Variants in PATZ1 observed in about 807,000 individuals in gnomAD.
PATZ1 encodes the protein POZ/BTB and AT hook containing zinc finger 1, also known as POZ-, AT hook-, and zinc finger-containing protein 1.
In PATZ1, 9 loss-of-function variants were observed where a neutral mutation model predicts 46.2. The observed-to-expected ratio is 0.19, with a 90% confidence interval of 0.12 to 0.34. The LOEUF is 0.34. Among genes scored for constraint, PATZ1 ranks in the 10% least tolerant of loss-of-function variants. The pLI is 1.00. For missense variants in PATZ1, 632 were observed against 923.0 expected (o/e 0.68, Z 4.08); for synonymous variants, 426 against 378.6 (o/e 1.13, Z -1.45).
chr22:31,333,817 C>A (rs554280314), intron 3 of PATZ1, among the ~76,000 whole-genome samples: 7 of 152,318 alleles, frequency 4.6e-5, no homozygotes, highest in South Asian at 4.1e-4. Context: ...AAAATAAATC[C>A]TGATGTACAA....
Position 31,344,594 on chromosome 22 carries a change from G to C in PATZ1, c.1009C>G (p.Pro337Ala). 6.2e-7 allele frequency: 1 copy of C among 1,614,170 alleles called. No individual in the cohort carries two copies. ...GGGCCGTCGGGGTCTTCAGAGATGGGTAGCCCATTCTCACCCAGCCTCGGA... is the reference window on the plus strand; with the variant it reads ...GGGCCGTCGGGGTCTTCAGAGATGGCTAGCCCATTCTCACCCAGCCTCGGA... The part of the protein sequence containing the change: ...PPPRLGENGL[P>A]ISEDPDGPRK... Residue 337 changes from proline to alanine, a missense_variant, in exon 1 of 5, where the codon CCC becomes GCC. By Grantham distance (27) the Pro-to-Ala change is conservative. Coordinates refer to ENST00000266269, the MANE Select transcript of PATZ1 (RefSeq NM_014323.3).
intron 2 of PATZ1, 46 bp from the exon 3 acceptor site, chr22:31,335,909 A>T: frequency 6.4e-7 from 1 of 1,564,484 alleles, no homozygotes; most frequent in Non-Finnish European, 8.8e-7. Flanking sequence ...CCAGCACCCC[A>T]CACCTGACTC....
intron 3 of PATZ1, among the ~76,000 whole-genome samples, chr22:31,334,674 G>A (rs961768865): frequency 3.3e-5 from 5 of 152,098 alleles, no homozygotes; most frequent in African/African-American, 4.8e-5. Flanking sequence ...CTGTGAGGTG[G>A]GAAAGGGGGC....
At position 31,327,132 on chromosome 22, in the gene PATZ1, G is replaced by A. The variant is rs142593910; in HGVS notation, c.1823C>T (p.Pro608Leu). ...ESDGEKKYPC[P>L]ECGSFFRSKS... The stretch of plus-strand genomic sequence containing the variant: ...AGAGCGGAAGAAGCTCCCACATTCA[G>A]GGCATGGGTACTTCTTCTCCCCATC... The change falls in exon 5 of 5, where the codon CCT becomes CTT. Residue 608 changes from proline (P) to leucine (L), a missense_variant. Coordinates refer to ENST00000266269, the MANE Select transcript of PATZ1 (RefSeq NM_014323.3). This position sits in a 1 kb window ranked among gnomAD's most constrained non-coding sequence, Gnocchi z 4.2. 3 of 1,613,966 alleles carry A rather than the reference G, an allele frequency of 1.9e-6. No individual in the cohort carries two copies. The African/African-American group carries it at 4.0e-5, about 22-fold the overall frequency.
In PATZ1 at chr22:31,331,525, T is replaced by C. The variant is rs566178877; in HGVS notation, c.1508-2601A>G. Among the ~76,000 whole-genome samples the C allele has an allele frequency of 1.1e-3, 173 of 152,032 alleles. 1 individual carries two copies. Among genetic ancestry groups the C allele is most frequent in the African/African-American group, 3.9e-3 (162 of 41,500 alleles). On this transcript the variant is annotated intron_variant, in intron 3 of 4. Transcript: ENST00000266269. ...TGGCTAATTTTTTTTGTATTTTTAG[T>C]AGAGACGGGGTTTCACCATGTTAGC...
chr22:31,334,527 A>G (rs1364215890), intron 3 of PATZ1, among the ~76,000 whole-genome samples: 1 of 152,170 alleles, frequency 6.6e-6, no homozygotes, highest in Admixed American at 6.5e-5. Flanking sequence ...CAAGGCCTGC[A>G]GGAGTGTTGT....
Position 31,344,785 on chromosome 22 carries a change from G to C in PATZ1, c.818C>G (p.Ala273Gly), listed in dbSNP as rs781613235. ...GKRGRGRPRK[A>G]NLLDSMFGSP... Reference sequence around the variant, plus strand: ...CCCAAACATTGAGTCCAGCAGGTTGGCCTTCCTTGGGCGGCCCCGGCCTCG... The same window carrying C: ...CCCAAACATTGAGTCCAGCAGGTTGCCCTTCCTTGGGCGGCCCCGGCCTCG... The change falls in exon 1 of 5, where the codon GCC becomes GGC. Residue 273 changes from alanine to glycine, a missense_variant. Ala to Gly is a moderately conservative substitution (Grantham distance 60, BLOSUM62 0). Coordinates refer to ENST00000266269, the MANE Select transcript of PATZ1 (RefSeq NM_014323.3). The C allele has an allele frequency of 6.8e-6, 11 of 1,609,092 alleles. No individual in the cohort carries two copies. The highest frequency in any genetic ancestry group is 6.6e-5 in the South Asian group (6 of 90,736).
chr22:31,339,241 C>A (rs1327311253), intron 2 of PATZ1, among the ~76,000 whole-genome samples: 1 of 152,170 alleles, frequency 6.6e-6, no homozygotes. Flanking sequence ...TAACTTTCGC[C>A]TGAGCAAACA....
intron 3 of PATZ1, among the ~76,000 whole-genome samples, chr22:31,330,535 G>A (rs2049428016): frequency 6.6e-6 from 1 of 152,184 alleles, no homozygotes; most frequent in South Asian, 2.1e-4. Flanking sequence ...AAGTAACCTG[G>A]TCACACGTAC....
rs1277246435 is a variant in PATZ1 at position 31,327,870 on chromosome 22, T to G, written c.1646-561A>C. On this transcript the variant is annotated intron_variant, in intron 4 of 4. Coordinates refer to ENST00000266269, the MANE Select transcript of PATZ1 (RefSeq NM_014323.3). This position sits in a 1 kb window ranked among gnomAD's most constrained non-coding sequence, Gnocchi z 4.2. ...CAAACATAGCCCTGTCCTTACCGCC[T>G]TCCTTCTGCCAAAACCTTTTCAGGG... Among the ~76,000 whole-genome samples the G allele has an allele frequency of 6.6e-6, 1 of 152,194 alleles. No individual in the cohort carries two copies. Among genetic ancestry groups the G allele is most frequent in the African/African-American group, 2.4e-5 (1 of 41,436 alleles).
intron 2 of PATZ1, among the ~76,000 whole-genome samples, chr22:31,342,527 A>C (rs543601504): frequency 3.2e-4 from 48 of 152,172 alleles, no homozygotes; most frequent in South Asian, 1.0e-3. Context: ...GTCCCTACAA[A>C]CTGCTGGAAA....
intron 1 of PATZ1, chr22:31,343,507 G>C: frequency 6.7e-6 from 6 of 890,868 alleles, no homozygotes; most frequent in Non-Finnish European, 8.1e-6. Flanking sequence ...TGCCTGACCG[G>C]TAAGACTGGT....
intron 1 of PATZ1, 107 bp downstream of exon 1, chr22:31,344,225 A>G (rs1264075134): frequency 4.9e-6 from 5 of 1,019,922 alleles, no homozygotes; most frequent in African/African-American, 3.2e-5. Context: ...GCATGGTTCT[A>G]TAAGGTCAAA....
At position 31,345,112 on chromosome 22, in the gene PATZ1, A is replaced by C; in HGVS notation, c.491T>G (p.Leu164Arg). 6.2e-7 allele frequency: 1 copy of C among 1,614,204 alleles called. No homozygotes were observed. The highest frequency in any genetic ancestry group is 8.5e-7 in the Non-Finnish European group (1 of 1,180,030). ...TATATCGGCGCGGGCAGGGGGTACC[A>C]GGATCTGTACGTTGGACTGTTTGAT... Reference protein sequence around the residue: ...EVIKQSNVQILVPPARADIML... With the variant: ...EVIKQSNVQIRVPPARADIML... The change falls in exon 1 of 5, where the codon CTG (leucine) becomes CGG (arginine). Residue 164 changes from leucine (L) to arginine (R), a missense_variant. Physicochemically the swap from Leu to Arg is moderately radical, Grantham distance 102. Coordinates refer to ENST00000266269, the MANE Select transcript of PATZ1 (RefSeq NM_014323.3). This position sits in a 1 kb window ranked among gnomAD's most constrained non-coding sequence, Gnocchi z 7.4.
intron 2 of PATZ1, among the ~76,000 whole-genome samples, chr22:31,339,570 CAG>C (rs1369005134): frequency 1.3e-5 from 2 of 152,180 alleles, no homozygotes; most frequent in Non-Finnish European, 2.9e-5. Flanking sequence ...GTCCTAGAGA[CAG>C]GGAGAAGACA....
Position 31,325,909 on chromosome 22 carries a change from C to T in PATZ1, c.*982G>A. On this transcript the variant is annotated 3_prime_UTR_variant, in exon 5 of 5. Transcript: ENST00000266269. ...TGACACAACTGAGGTACACAATGTC[C>T]CTACCTGCCGGCTGTCCCACCTTCC... 4.7e-6 allele frequency: 1 copy of T among 212,658 alleles called. No individual in the cohort carries two copies. Among genetic ancestry groups the T allele is most frequent in the East Asian group, 7.0e-5 (1 of 14,326 alleles). 13.2% of individuals were successfully genotyped at this position (212,658 alleles called of 1,614,324 possible).
At position 31,345,396 on chromosome 22, in the gene PATZ1, C is replaced by T. The variant is rs1407782185; in HGVS notation, c.207G>A (p.Val69=). ...LAACSEYFES[V]FSAQLGDGGA... is the part of the protein sequence containing the mutation. ...CGCCGTCGCCCAACTGGGCGCTGAA[C>T]ACCGACTCAAAGTACTCGCTGCAGG... is the stretch of plus-strand genomic sequence containing the variant. The change falls in exon 1 of 5, where the codon GTG becomes GTA. Residue 69 remains valine (V), a synonymous_variant. Transcript: ENST00000266269. This position sits in a 1 kb window ranked among gnomAD's most constrained non-coding sequence, Gnocchi z 7.4. The T allele has an allele frequency of 6.2e-7, 1 of 1,610,412 alleles. No individual in the cohort carries two copies. Among genetic ancestry groups the T allele is most frequent in the Non-Finnish European group, 8.5e-7 (1 of 1,177,928 alleles).
In PATZ1 at chr22:31,342,996, T is replaced by G. The variant is rs773313768; in HGVS notation, c.1272-36A>C. 7 of 1,613,186 alleles carry G rather than the reference T, an allele frequency of 4.3e-6. No homozygotes were observed. In the East Asian group the frequency reaches 1.1e-4, roughly 26 times the overall value. On this transcript the variant is annotated intron_variant, in intron 1 of 4. Transcript: ENST00000266269. ...GAGAACCAAGAGGGACTTTAGAAAC[T>G]TGGCCAGACCCCACCACACAGGCAC... is the stretch of plus-strand genomic sequence containing the variant.
At chr22:31,341,458 C>T in intron 2 of PATZ1, 1 of 1,605,296 alleles carries the variant, frequency 6.2e-7, no homozygotes, top group Non-Finnish European at 8.5e-7. Context: ...GTGGTCCAGC[C>T]CTGCCTCAGA....
Sources: gnomAD v4.1 joint callset for allele counts (sites outside exome capture counted in the v4.1 genomes callset) on GRCh38, gnomAD v4.1.1 for gene constraint, Gnocchi (gnomAD v3.1) non-coding constraint, MANE v1.5 for transcripts, NCBI Gene and HGNC (gene_info 2026-07-23, HGNC 2026-07-21) for gene names.